MED15: variants seen among roughly 807,000 people sequenced by gnomAD.
MED15 encodes mediator of RNA polymerase II transcription subunit 15.
In MED15, 41 loss-of-function variants were observed where a neutral mutation model predicts 118.7. The ratio of observed to expected loss-of-function variants is 0.35; its 90% CI spans 0.27 to 0.45. MED15 has a LOEUF of 0.45. Among genes scored for constraint, MED15 ranks in the 20% least tolerant of loss-of-function variants. The pLI, the probability that MED15 is intolerant of heterozygous loss-of-function variation, is 1.00. For synonymous variants in MED15, 436 were observed against 413.9 expected (o/e 1.05, Z -0.65); for missense variants, 740 against 1,025.5 (o/e 0.72, Z 3.80).
chr22:20,575,186 C>T lies in MED15; in HGVS notation c.1226C>T (p.Ala409Val), dbSNP rs372972193. The change falls in exon 9 of 18, where the codon GCC (alanine) becomes GTC (valine). Residue 409 changes from alanine to valine, a missense_variant. By Grantham distance (64) the Ala-to-Val change is moderately conservative. Around this residue, in one of 7 missense-constraint regions of MED15, gnomAD observed 384 missense variants for 506.3 expected, o/e 0.76. Coordinates refer to ENST00000263205, the MANE Select transcript of MED15 (RefSeq NM_001003891.3). ...ARFPPTTAVS[A>V]IPSSSIPLGR... ...TTCCCGCCTACCACCGCTGTGTCCG[C>T]CATCCCGTCAAGCTCCATCCCTTTG... 1.5e-5 allele frequency: 24 copies of T among 1,614,070 alleles called. 1 individual carries two copies. The highest frequency in any genetic ancestry group is 2.0e-5 in the Non-Finnish European group (24 of 1,180,050).
Position 20,568,506 on chromosome 22 carries a change from T to C in MED15, c.1042-15T>C. 6.2e-7 allele frequency: 1 copy of C among 1,612,608 alleles called. No individual in the cohort carries two copies. Among genetic ancestry groups the C allele is most frequent in the Non-Finnish European group, 8.5e-7 (1 of 1,179,656 alleles). On this transcript the variant is annotated splice_polypyrimidine_tract_variant and intron_variant, in intron 7 of 17. Coordinates refer to ENST00000263205, the MANE Select transcript of MED15 (RefSeq NM_001003891.3). The stretch of plus-strand genomic sequence containing the variant: ...CCAGGTGGTTCCAAATCACATTCTC[T>C]CTTTCTCCCTCAAGGTCCGAGCTCC...
At chr22:20,519,120 T>C (rs966864877) in intron 1 of MED15, 7 of 336,548 alleles carry the variant, frequency 2.1e-5, no homozygotes, top group South Asian at 1.3e-4. Context: ...CCCAAAGTGC[T>C]GGGATTACAG....
chr22:20,533,317 C>G (rs74875546), intron 1 of MED15, among the ~76,000 whole-genome samples: 4,744 of 152,340 alleles, frequency 0.031, 108 homozygotes, highest in South Asian at 0.078. Flanking sequence ...GGGCAGGCAT[C>G]TGCAGGGAAG....
chr22:20,513,434 A>T (rs1306415678), intron 1 of MED15, among the ~76,000 whole-genome samples: 2 of 150,082 alleles, frequency 1.3e-5, no homozygotes, highest in African/African-American at 2.5e-5. Context: ...ACCCGCCACC[A>T]CTCCTGGCTA....
At chr22:20,514,012 A>G (rs1343139119) in intron 1 of MED15, among the ~76,000 whole-genome samples, 2 of 152,110 alleles carry the variant, frequency 1.3e-5, no homozygotes, top group African/African-American at 4.8e-5. Context: ...CTACAGACGC[A>G]TGCCACCAGG....
chr22:20,553,200 A>G lies in MED15; in HGVS notation c.238+26A>G, dbSNP rs918808601. ...GTAAGAGTTTTCCCTTTTGAGTTAA[A>G]GTTTCTCCCAACTTTGGATTTGAGG... On this transcript the variant is annotated intron_variant, in intron 4 of 17. Coordinates refer to ENST00000263205, the MANE Select transcript of MED15 (RefSeq NM_001003891.3). 3 of 1,607,748 alleles carry G rather than the reference A, an allele frequency of 1.9e-6. No individual in the cohort carries two copies. The East Asian group carries it at 6.7e-5, about 36-fold the overall frequency.
At chr22:20,581,356 G>A (rs1374957372) in intron 9 of MED15, among the ~76,000 whole-genome samples, 2 of 152,148 alleles carry the variant, frequency 1.3e-5, no homozygotes, top group Non-Finnish European at 2.9e-5. Flanking sequence ...CCAATTTAAG[G>A]AGCTTAGAAA....
At chr22:20,562,184 G>C (rs2056268528) in intron 5 of MED15, among the ~76,000 whole-genome samples, 1 of 151,962 alleles carries the variant, frequency 6.6e-6, no homozygotes, top group African/African-American at 2.4e-5. Flanking sequence ...ACAAAAAAAA[G>C]GATGAAGAAA....
At chr22:20,568,737 A>G in intron 8 of MED15, 106 bp downstream of exon 8, 1 of 1,504,364 alleles carries the variant, frequency 6.6e-7, no homozygotes, top group Non-Finnish European at 8.9e-7. Flanking sequence ...GCTGGGGGCT[A>G]AGTTGGTAAA....
chr22:20,559,540 G>A (rs1015569688), intron 5 of MED15, among the ~76,000 whole-genome samples: 13 of 152,262 alleles, frequency 8.5e-5, no homozygotes, highest in African/African-American at 2.6e-4. Flanking sequence ...AGCCCATCTG[G>A]CCCCAACCAA....
intron 17 of MED15, among the ~76,000 whole-genome samples, chr22:20,586,134 C>G (rs765674045): frequency 6.6e-6 from 1 of 152,222 alleles, no homozygotes; most frequent in African/African-American, 2.4e-5. Flanking sequence ...GGACAGTCCC[C>G]GCTCTTCCCA....
intron 1 of MED15, among the ~76,000 whole-genome samples, chr22:20,524,699 G>T (rs2054571853): frequency 6.6e-6 from 1 of 152,202 alleles, no homozygotes; most frequent in Non-Finnish European, 1.5e-5. Flanking sequence ...TCGGCTGACT[G>T]CAACCTCCGC....
At chr22:20,524,980 G>A (rs149080498) in intron 1 of MED15, among the ~76,000 whole-genome samples, 61 of 152,240 alleles carry the variant, frequency 4.0e-4, no homozygotes, top group African/African-American at 1.3e-3. Flanking sequence ...TACTGTCCCT[G>A]TGTTGACTGA....
At position 20,566,909 on chromosome 22, in the gene MED15, ATTC is replaced by A. The variant is rs528862141; in HGVS notation, c.1041+96_1041+98del. ...TCTTTGGCTAGAGATAGCATATCCT[ATTC>A]TTCAAGTGCTGAGACTTCAGGCAGC... On this transcript the variant is annotated intron_variant, in intron 7 of 17. Transcript: ENST00000263205. 2.4e-4 allele frequency: 366 copies of A among 1,551,412 alleles called. No individual in the cohort carries two copies. In the African/African-American group the frequency reaches 4.4e-3, roughly 19 times the overall value.
intron 9 of MED15, among the ~76,000 whole-genome samples, chr22:20,580,654 G>T (rs891678322): frequency 1.3e-5 from 2 of 152,144 alleles, no homozygotes; most frequent in African/African-American, 4.8e-5. Flanking sequence ...GCCGTCTGTG[G>T]TTCTCTGTAT....
Position 20,585,002 on chromosome 22 carries a change from G to T in MED15, c.1951G>T (p.Gly651Cys), listed in dbSNP as rs147995933. ...TFVPAMTAIHGPPITAPVVCT... is the reference protein window; with the variant it reads ...TFVPAMTAIHCPPITAPVVCT... Reference sequence around the variant, plus strand: ...CGTTCCAGCCATGACCGCCATTCACGGCCCACCCATCACGTATGTCCAGCT... The same window carrying T: ...CGTTCCAGCCATGACCGCCATTCACTGCCCACCCATCACGTATGTCCAGCT... The change falls in exon 15 of 18, where the codon GGC (glycine) becomes TGC (cysteine). Residue 651 changes from glycine (G) to cysteine (C), a missense_variant. This residue lies in a region of MED15 where 179 missense variants were observed against 259.0 expected (regional missense o/e 0.69). Coordinates refer to ENST00000263205, the MANE Select transcript of MED15 (RefSeq NM_001003891.3). 8 of 1,613,860 alleles carry T rather than the reference G, an allele frequency of 5.0e-6. No homozygotes were observed. The highest frequency in any genetic ancestry group is 6.8e-6 in the Non-Finnish European group (8 of 1,180,008).
intron 11 of MED15, 33 bp from the exon 12 acceptor site, chr22:20,583,080 A>T (rs2146676872): frequency 6.4e-7 from 1 of 1,562,304 alleles, no homozygotes; most frequent in Non-Finnish European, 8.7e-7. Context: ...CCGAGGGTCG[A>T]GGGCTGTGGC....
chr22:20,565,351 C>T (rs1394996378), intron 6 of MED15, among the ~76,000 whole-genome samples: 1 of 152,154 alleles, frequency 6.6e-6, no homozygotes, highest in Non-Finnish European at 1.5e-5. Context: ...CATTGTGGGC[C>T]ATTTTGGCTG....
In MED15 at chr22:20,578,053, T is replaced by C. The variant is rs144249432; in HGVS notation, c.1272+2821T>C. On this transcript the variant is annotated intron_variant, in intron 9 of 17. Coordinates refer to ENST00000263205, the MANE Select transcript of MED15 (RefSeq NM_001003891.3). ...GATTCTCCTGCCTCAGCCTCTCGAG[T>C]AGCTGGGACTACAGGCGCCTGCCAC... Among the ~76,000 whole-genome samples the C allele has an allele frequency of 2.7e-3, 403 of 152,062 alleles. 2 individuals are homozygous for C. The highest frequency in any genetic ancestry group is 3.9e-3 in the African/African-American group (163 of 41,482).
Sources: gnomAD v4.1 joint callset for allele counts (sites outside exome capture counted in the v4.1 genomes callset) on GRCh38, gnomAD v4.1.1 for gene constraint, gnomAD v4.1.1 regional missense constraint, MANE v1.5 for transcripts, NCBI Gene and HGNC (gene_info 2026-07-23, HGNC 2026-07-21) for gene names.